Variants in SDK1 observed in about 807,000 individuals in gnomAD.
The protein encoded by SDK1 is protein sidekick-1.
SDK1 carries 157 observed loss-of-function variants against 245.5 expected under a neutral mutation model. The ratio of observed to expected loss-of-function variants is 0.64; its 90% CI spans 0.56 to 0.73. The LOEUF (loss-of-function observed/expected upper bound fraction) is 0.73, where lower values mean the gene tolerates loss of function less well. Ranked by LOEUF, SDK1 falls within the 30% of genes least tolerant of loss-of-function variation. The pLI is 0.00. For synonymous variants in SDK1, 1,647 were observed against 1,278.5 expected (o/e 1.29, Z -6.15); for missense variants, 3,583 against 3,002.3 (o/e 1.19, Z -4.52).
chr7:3,860,768 A>G (rs1219337983), intron 5 of SDK1, among the ~76,000 whole-genome samples: 2 of 152,156 alleles, frequency 1.3e-5, no homozygotes, highest in East Asian at 1.9e-4. Context: ...AATTAACTTG[A>G]TAATGCCGCA....
chr7:4,001,002 A>C (rs1292371819), intron 14 of SDK1, among the ~76,000 whole-genome samples: 1 of 152,078 alleles, frequency 6.6e-6, no homozygotes, highest in Non-Finnish European at 1.5e-5. Flanking sequence ...TGCCCTCACC[A>C]AGACGAGATG....
At chr7:4,139,725 GTGTGTGTGTGTA>G (rs1434793254) in intron 28 of SDK1, among the ~76,000 whole-genome samples, 20 of 144,436 alleles carry the variant, frequency 1.4e-4, no homozygotes, top group African/African-American at 4.2e-4. Flanking sequence ...GTGTGTATGT[GTGTGTGTGTGTA>G]TGTGTGTGTG....
At chr7:4,214,608 C>T (rs1454638526) in intron 38 of SDK1, among the ~76,000 whole-genome samples, 2 of 152,186 alleles carry the variant, frequency 1.3e-5, no homozygotes, top group East Asian at 1.9e-4. Flanking sequence ...AAAGCTCCAT[C>T]AGGCCTCCCC....
chr7:3,721,551 G>C (rs1778802263), intron 4 of SDK1, among the ~76,000 whole-genome samples: 1 of 152,212 alleles, frequency 6.6e-6, no homozygotes, highest in Non-Finnish European at 1.5e-5. Context: ...AGATGATTTG[G>C]TAACACCTCT....
chr7:3,642,093 C>T lies in SDK1; in HGVS notation c.701C>T (p.Pro234Leu), dbSNP rs575597426. The change falls in exon 4 of 45, where the codon CCA becomes CTA. Residue 234 changes from proline (P) to leucine (L), a missense_variant. Physicochemically the swap from Pro to Leu is moderately conservative, Grantham distance 98. Transcript: ENST00000404826. ...TTTAGAGAAGGGCACAAGATTATTCCAAGCAACAGAATGTAAGTTGCTCCA... is the reference window on the plus strand; with the variant it reads ...TTTAGAGAAGGGCACAAGATTATTCTAAGCAACAGAATGTAAGTTGCTCCA... ...TWFREGHKII[P>L]SNRIAITLEN... is the part of the protein sequence containing the mutation. 1.1e-5 allele frequency: 17 copies of T among 1,613,902 alleles called. No individual in the cohort carries two copies. In the South Asian group the frequency reaches 1.9e-4, roughly 18 times the overall value.
intron 11 of SDK1, among the ~76,000 whole-genome samples, chr7:3,970,855 T>C (rs1033862369): frequency 6.6e-6 from 1 of 152,154 alleles, no homozygotes; most frequent in African/African-American, 2.4e-5. Flanking sequence ...GACTCCGAAG[T>C]TCTGGGCTCT....
intron 22 of SDK1, among the ~76,000 whole-genome samples, chr7:4,109,560 G>A (rs937995445): frequency 1.3e-5 from 2 of 152,222 alleles, no homozygotes; most frequent in Admixed American, 6.5e-5. Context: ...CTTGCAGCCG[G>A]CCTTCTCTGT....
chr7:4,179,529 C>T (rs1034960822), intron 35 of SDK1, among the ~76,000 whole-genome samples: 2 of 152,028 alleles, frequency 1.3e-5, no homozygotes, highest in African/African-American at 2.4e-5. Context: ...GGATTTTTTC[C>T]GGAATGGTCA....
At chr7:3,832,165 C>T (rs1225107346) in intron 5 of SDK1, among the ~76,000 whole-genome samples, 14 of 152,170 alleles carry the variant, frequency 9.2e-5, no homozygotes, top group Non-Finnish European at 2.1e-4. Flanking sequence ...CAAATCAAAG[C>T]AACAAGTTAC....
chr7:3,524,309 G>A (rs996550099), intron 1 of SDK1, among the ~76,000 whole-genome samples: 36 of 152,128 alleles, frequency 2.4e-4, no homozygotes, highest in African/African-American at 8.0e-4. Flanking sequence ...TCCTACTTAG[G>A]TTTTAACAAA....
intron 1 of SDK1, among the ~76,000 whole-genome samples, chr7:3,368,995 TAGTA>T (rs764980932): frequency 5.1e-4 from 77 of 152,302 alleles, no homozygotes; most frequent in South Asian, 1.7e-3. Context: ...CTGCCCCAGT[TAGTA>T]AGTGTCAATA....
chr7:3,609,364 A>T (rs1183449824), intron 1 of SDK1, among the ~76,000 whole-genome samples: 2 of 152,112 alleles, frequency 1.3e-5, no homozygotes, highest in African/African-American at 4.8e-5. Flanking sequence ...ATTGTCCAAG[A>T]TCACAGAGCT....
intron 1 of SDK1, among the ~76,000 whole-genome samples, chr7:3,492,465 A>C (rs1335392099): frequency 2.0e-5 from 3 of 152,316 alleles, no homozygotes; most frequent in African/African-American, 4.8e-5. Flanking sequence ...CCACACTCCA[A>C]CCTGGGCGAC....
intron 5 of SDK1, among the ~76,000 whole-genome samples, chr7:3,896,972 T>C (rs182564996): frequency 3.1e-3 from 465 of 151,948 alleles, no homozygotes; most frequent in African/African-American, 0.011. Flanking sequence ...GGCAGAAGGG[T>C]GAAGGGGAAG....
intron 20 of SDK1, among the ~76,000 whole-genome samples, chr7:4,073,152 G>T (rs1780370753): frequency 6.6e-6 from 1 of 152,186 alleles, no homozygotes; most frequent in Middle Eastern, 3.2e-3. Flanking sequence ...CCCGCTCCTG[G>T]CTCCGGGCGC....
At chr7:3,958,874 G>T in intron 7 of SDK1, 57 bp from the exon 8 acceptor site, 1 of 1,337,752 alleles carries the variant, frequency 7.5e-7, no homozygotes, top group South Asian at 1.2e-5. Context: ...TAGGTTATAT[G>T]GTCTCTGACA....
At chr7:4,145,994 G>T (rs1584286497) in intron 29 of SDK1, 78 bp downstream of exon 29, 3 of 1,323,592 alleles carry the variant, frequency 2.3e-6, no homozygotes, top group East Asian at 2.4e-5. Context: ...GGGGTCTGCG[G>T]GGTACCTGGG....
At chr7:3,697,564 A>G (rs1784611072) in intron 4 of SDK1, among the ~76,000 whole-genome samples, 4 of 152,094 alleles carry the variant, frequency 2.6e-5, no homozygotes. Flanking sequence ...TTTTTGTCTC[A>G]CTGTCTTCTT....
chr7:3,606,526 C>G (rs1345817305), intron 1 of SDK1, among the ~76,000 whole-genome samples: 1 of 152,140 alleles, frequency 6.6e-6, no homozygotes, highest in African/African-American at 2.4e-5. Context: ...CTGTCATCCC[C>G]CGCACTCACT....
Sources: allele counts gnomAD v4.1 joint callset (sites outside exome capture counted in the v4.1 genomes callset), GRCh38; gene constraint gnomAD v4.1.1; transcripts MANE v1.5; gene names NCBI Gene and HGNC (gene_info 2026-07-23, HGNC 2026-07-21).